STIL: variants seen among roughly 807,000 people sequenced by gnomAD.
The protein encoded by STIL is STIL centriolar assembly protein.
Under a neutral mutation model 110.1 loss-of-function variants are expected in STIL, and 55 were observed. The observed-to-expected ratio is 0.50, with a 90% CI of 0.40 to 0.63. STIL has a LOEUF of 0.63. Among genes scored for constraint, STIL ranks in the 20% least tolerant of loss-of-function variants. The pLI is 0.00. For synonymous variants in STIL, 481 were observed against 530.0 expected, an observed-to-expected ratio of 0.91 and a Z score of 1.27; for missense variants, 1,358 against 1,530.0, an observed-to-expected ratio of 0.89 and a Z score of 1.87.
intron 12 of STIL, among the ~76,000 whole-genome samples, chr1:47,275,310 T>A (rs1028473897): frequency 6.6e-6 from 1 of 151,372 alleles, no homozygotes; most frequent in Non-Finnish European, 1.5e-5. Flanking sequence ...GAGAATTTTT[T>A]AAAAAGATTT....
chr1:47,288,824 A>C (rs1219147860), intron 9 of STIL, among the ~76,000 whole-genome samples: 1 of 149,544 alleles, frequency 6.7e-6, no homozygotes, highest in Non-Finnish European at 1.5e-5. Context: ...AGGCAGGTGG[A>C]TCACCTAAGG....
In STIL at chr1:47,273,699, C is replaced by T. The variant is rs552463128; in HGVS notation, c.2218-1458G>A. ...TTGTGTGGACATATTTTTTTCACTT[C>T]TCTTGGGTATGTAACTAGGAGTGGA... On this transcript the variant is annotated intron_variant, in intron 12 of 16. Transcript: ENST00000371877. Among the ~76,000 whole-genome samples, 5 of 152,200 alleles carry T rather than the reference C, an allele frequency of 3.3e-5. No individual in the cohort carries two copies. In the South Asian group the frequency reaches 1.0e-3, roughly 32 times the overall value.
At chr1:47,265,516 C>T (rs1307542613) in intron 14 of STIL, among the ~76,000 whole-genome samples, 3 of 151,718 alleles carry the variant, frequency 2.0e-5, no homozygotes, top group Admixed American at 1.3e-4. Context: ...CATGGTGACT[C>T]ACACCTGTAA....
At position 47,280,823 on chromosome 1, in the gene STIL, A is replaced by G. The variant is rs770972789; in HGVS notation, c.1635T>C (p.Asn545=). 1 of 1,614,178 alleles carries G rather than the reference A, an allele frequency of 6.2e-7. No homozygotes were observed. The highest frequency in any genetic ancestry group is 8.5e-7 in the Non-Finnish European group (1 of 1,180,028). Residue 545 remains asparagine, a synonymous_variant, in exon 12 of 17, where the codon AAT becomes AAC. Coordinates refer to ENST00000371877, the MANE Select transcript of STIL (RefSeq NM_001048166.1). ...TTATAGGATACTCTTCGTTTTGTAC[A>G]TTTCCAGCAGAAACTGTTTGGAGCT... ...FEKLQTVSAG[N]VQNEEYPIRP...
chr1:47,270,244 ATAT>A (rs1557722462), intron 13 of STIL, among the ~76,000 whole-genome samples: 42 of 82,146 alleles, frequency 5.1e-4, no homozygotes, highest in East Asian at 4.1e-3. Flanking sequence ...AAAAAAAAAT[ATAT>A]ATATATATAC....
At chr1:47,282,318 G>T in intron 11 of STIL, 27 bp downstream of exon 11, 1 of 1,468,066 alleles carries the variant, frequency 6.8e-7, no homozygotes, top group Non-Finnish European at 9.5e-7. Context: ...AACCACAAAA[G>T]TGAATGCATT....
intron 16 of STIL, among the ~76,000 whole-genome samples, chr1:47,253,527 GA>G: frequency 6.6e-6 from 1 of 152,262 alleles, no homozygotes; most frequent in East Asian, 1.9e-4. Context: ...TCTCAGTTGA[GA>G]AAACTGAGGA....
intron 16 of STIL, among the ~76,000 whole-genome samples, chr1:47,253,684 T>C (rs185045531): frequency 6.6e-6 from 1 of 152,324 alleles, no homozygotes; most frequent in East Asian, 1.9e-4. Context: ...GAGTCCTTTG[T>C]GCACTATTTG....
At chr1:47,309,796 T>C (rs906411722) in intron 2 of STIL, among the ~76,000 whole-genome samples, 3 of 152,126 alleles carry the variant, frequency 2.0e-5, no homozygotes, top group African/African-American at 7.2e-5. Flanking sequence ...CTGAGGAAAC[T>C]TGGTATACCT....
At position 47,260,340 on chromosome 1, in the gene STIL, A is replaced by G. The variant is rs1341579623; in HGVS notation, c.3029T>C (p.Ile1010Thr). ...TTTCTTCACTTTAGTGGGAGAATCAATTTTTACTCCAAGGCTTCTTAGTTG... is the reference window on the plus strand; with the variant it reads ...TTTCTTCACTTTAGTGGGAGAATCAGTTTTTACTCCAAGGCTTCTTAGTTG... ...LKQLRSLGVK[I>T]DSPTKVKKNA... is the part of the protein sequence containing the mutation. The change falls in exon 16 of 17, where the codon ATT (isoleucine) becomes ACT (threonine). Residue 1010 changes from isoleucine to threonine, a missense_variant. By Grantham distance (89) the Ile-to-Thr change is moderately conservative. Coordinates refer to ENST00000371877, the MANE Select transcript of STIL (RefSeq NM_001048166.1). The G allele has an allele frequency of 2.5e-6, 4 of 1,614,118 alleles. No homozygotes were observed. The highest frequency in any genetic ancestry group is 2.2e-5 in the East Asian group (1 of 44,874).
At chr1:47,294,928 T>A (rs1398253378) in intron 7 of STIL, among the ~76,000 whole-genome samples, 2 of 151,356 alleles carry the variant, frequency 1.3e-5, no homozygotes, top group Non-Finnish European at 2.9e-5. Context: ...TTATATTTTT[T>A]ATTTTTTTTT....
At chr1:47,297,838 T>C (rs373125464) in intron 6 of STIL, among the ~76,000 whole-genome samples, 3 of 152,166 alleles carry the variant, frequency 2.0e-5, no homozygotes, top group African/African-American at 7.2e-5. Flanking sequence ...AACATCCTGG[T>C]TATTACCAGC....
At chr1:47,288,014 A>G (rs1209783003) in intron 9 of STIL, among the ~76,000 whole-genome samples, 3 of 148,330 alleles carry the variant, frequency 2.0e-5, no homozygotes, top group African/African-American at 4.9e-5. Flanking sequence ...TATATAATAT[A>G]TAATATAAAG....
chr1:47,257,030 G>A (rs1644349378), intron 16 of STIL, among the ~76,000 whole-genome samples: 1 of 152,008 alleles, frequency 6.6e-6, no homozygotes, highest in Admixed American at 6.6e-5. Context: ...TGACCAAAGA[G>A]GTGACATTTG....
chr1:47,295,288 G>C (rs1645610104), intron 7 of STIL, among the ~76,000 whole-genome samples: 1 of 151,926 alleles, frequency 6.6e-6, no homozygotes, highest in Non-Finnish European at 1.5e-5. Context: ...CCTAATATTG[G>C]ACAAAATCTG....
chr1:47,291,334 C>T (rs1378655908), intron 8 of STIL, among the ~76,000 whole-genome samples: 1 of 151,566 alleles, frequency 6.6e-6, no homozygotes, highest in African/African-American at 2.4e-5. Context: ...GCACTCCAGC[C>T]TGGGCGACAG....
chr1:47,258,707 T>A (rs1644391666), intron 16 of STIL, among the ~76,000 whole-genome samples: 1 of 151,988 alleles, frequency 6.6e-6, no homozygotes, highest in South Asian at 2.1e-4. Context: ...ACACCATCTC[T>A]GCAAAAAATA....
At chr1:47,268,263 A>G (rs911955260) in intron 14 of STIL, among the ~76,000 whole-genome samples, 100 of 152,170 alleles carry the variant, frequency 6.6e-4, no homozygotes, top group African/African-American at 2.3e-3. Context: ...CCTGGCCAAC[A>G]TGGGAAGCCC....
At chr1:47,293,840 G>A (rs1323520348) in intron 7 of STIL, among the ~76,000 whole-genome samples, 1 of 152,146 alleles carries the variant, frequency 6.6e-6, no homozygotes, top group East Asian at 1.9e-4. Context: ...ATGTGGGAAA[G>A]AAAATGGTTA....
Sources: allele counts gnomAD v4.1 joint callset (sites outside exome capture counted in the v4.1 genomes callset), GRCh38; gene constraint gnomAD v4.1.1; transcripts MANE v1.5; gene names NCBI Gene and HGNC (gene_info 2026-07-23, HGNC 2026-07-21).